The following NAA38 variants were observed in gnomAD, a reference collection of about 807,000 sequenced individuals.
NAA38 encodes the protein N-alpha-acetyltransferase 38, NatC auxiliary subunit.
NAA38 carries 15 observed loss-of-function variants against 12.6 expected under a neutral mutation model. That is an observed-to-expected ratio of 1.19 (90% CI 0.79 to 1.83). NAA38 has a LOEUF of 1.83. NAA38 is among the 40% of genes most tolerant of loss of function. The pLI, the probability that NAA38 is intolerant of heterozygous loss-of-function variation, is 0.00. For missense variants in NAA38, 183 were observed against 171.7 expected (o/e 1.07, Z -0.37); for synonymous variants, 88 against 69.9 (o/e 1.26, Z -1.29).
chr17:7,867,344 T>C (rs2151389397), intron 2 of NAA38, among the ~76,000 whole-genome samples: 1 of 152,244 alleles, frequency 6.6e-6, no homozygotes, highest in East Asian at 1.9e-4. Context: ...TTTTATGTTT[T>C]GTTTTGTTTT....
chr17:7,864,115 G>C (rs1487018269), intron 3 of NAA38: 1 of 152,216 alleles, frequency 6.6e-6, no homozygotes, highest in Non-Finnish European at 1.5e-5. Context: ...TGGATGGGCT[G>C]CTGTTGGGAG....
intron 1 of NAA38, among the ~76,000 whole-genome samples, chr17:7,884,311 G>C (rs189487777): frequency 4.0e-5 from 6 of 148,842 alleles, no homozygotes; most frequent in South Asian, 2.1e-4. Flanking sequence ...GGTGCTGGAG[G>C]GGGGGTTGTT....
chr17:7,863,812 A>T (rs1417034966), intron 3 of NAA38: 1 of 152,198 alleles, frequency 6.6e-6, no homozygotes, highest in Non-Finnish European at 1.5e-5. Context: ...AAAGTAAAAT[A>T]TCAAAAGTTA....
intron 2 of NAA38, among the ~76,000 whole-genome samples, chr17:7,872,337 T>C (rs1247209550): frequency 2.6e-5 from 4 of 152,168 alleles, no homozygotes. Flanking sequence ...TAAAAAATTT[T>C]TTGGTCTTGC....
chr17:7,867,295 C>T (rs1453568922), intron 2 of NAA38, among the ~76,000 whole-genome samples: 1 of 150,664 alleles, frequency 6.6e-6, no homozygotes, highest in Non-Finnish European at 1.5e-5. Flanking sequence ...AATTCACATA[C>T]CATAATATTC....
chr17:7,859,358 G>A, upstream of NAA38: 1 of 1,592,536 alleles, frequency 6.3e-7, no homozygotes, highest in Non-Finnish European at 8.6e-7. Flanking sequence ...AATTCTGGGG[G>A]TGGGGTGCTT....
At chr17:7,859,322 C>T (rs1486193073), upstream of NAA38, 5 of 1,370,340 alleles carry the variant, frequency 3.6e-6, no homozygotes, top group Admixed American at 7.4e-5. Context: ...TTGATCCCAG[C>T]GTGTGTATAT....
At chr17:7,869,138 C>T (rs567772420) in intron 2 of NAA38, among the ~76,000 whole-genome samples, 20 of 152,328 alleles carry the variant, frequency 1.3e-4, no homozygotes, top group African/African-American at 4.1e-4. Context: ...TACCAATTAT[C>T]GAGTACCTTA....
chr17:7,869,747 A>G (rs1967053089), intron 2 of NAA38, among the ~76,000 whole-genome samples: 1 of 152,162 alleles, frequency 6.6e-6, no homozygotes, highest in East Asian at 1.9e-4. Context: ...CGGGTGACAG[A>G]GCAAGACTCC....
chr17:7,885,025 CCCGCCGCCGCCG>C (rs759738955), intron 1 of NAA38: 70 of 1,161,208 alleles, frequency 6.0e-5, no homozygotes, highest in Admixed American at 1.8e-4. Flanking sequence ...GCCACCTCTT[CCCGCCGCCGCCG>C]CCGCCGCCGC....
rs565203635 is a variant in NAA38 at position 7,857,070 on chromosome 17, A to G, written c.210T>C (p.Thr70=). The G allele has an allele frequency of 6.2e-7, 1 of 1,613,502 alleles. No homozygotes were observed. Among genetic ancestry groups the G allele is most frequent in the East Asian group, 2.2e-5 (1 of 44,868 alleles). The part of the protein sequence containing the change: ...GRTLVGCFLC[T]DRDCNVILGS... ...CCAGGATGACATTGCAGTCACGGTC[A>G]GTGCAGAGGAAGCAGCCGACCAGTG... Residue 70 remains threonine (T), a synonymous_variant, in exon 2 of 3, where the codon ACT becomes ACC. Transcript: ENST00000575771.
intron 1 of NAA38, among the ~76,000 whole-genome samples, chr17:7,884,245 AT>A (rs1967407785): frequency 6.7e-6 from 1 of 148,938 alleles, no homozygotes; most frequent in Admixed American, 6.7e-5. Flanking sequence ...TAAGCCAGCC[AT>A]TTTGTTTGAA....
At chr17:7,861,050 C>T, upstream of NAA38, 1 of 152,102 alleles carries the variant, frequency 6.6e-6, no homozygotes. Context: ...CTAACTAAGT[C>T]AGAAAACTCT....
chr17:7,857,490 T>A lies in NAA38; in HGVS notation c.-27A>T. 1 of 1,504,240 alleles carries A rather than the reference T, an allele frequency of 6.6e-7. No homozygotes were observed. Among genetic ancestry groups the A allele is most frequent in the South Asian group, 1.4e-5 (1 of 73,322 alleles). 93.2% of individuals were successfully genotyped at this position (1,504,240 alleles called of 1,614,324 possible). A position where few individuals can be genotyped will look rare whatever the true frequency, so the allele number is the denominator to read the frequency against. Reference sequence around the variant, plus strand: ...TGCCCGGAGGCCTCCTCTGGGCCTTTCAACTTCCTAAGCACCTTTCAGGTT... The same window carrying A: ...TGCCCGGAGGCCTCCTCTGGGCCTTACAACTTCCTAAGCACCTTTCAGGTT... On this transcript the variant is annotated 5_prime_UTR_variant, in exon 1 of 3. Coordinates refer to ENST00000575771, the MANE Select transcript of NAA38 (RefSeq NM_001320925.4).
At chr17:7,858,856 G>A, upstream of NAA38, 1 of 1,493,674 alleles carries the variant, frequency 6.7e-7, no homozygotes, top group South Asian at 1.4e-5. Flanking sequence ...CAGGTTAGAA[G>A]GAATGGGGAA....
chr17:7,873,431 C>T (rs1967120859), intron 2 of NAA38, among the ~76,000 whole-genome samples: 1 of 152,050 alleles, frequency 6.6e-6, no homozygotes, highest in Non-Finnish European at 1.5e-5. Context: ...GTGGTGGGGG[C>T]AGAGGGCTGG....
At chr17:7,874,507 G>A (rs1234586047) in intron 2 of NAA38, among the ~76,000 whole-genome samples, 2 of 152,098 alleles carry the variant, frequency 1.3e-5, no homozygotes, top group Non-Finnish European at 2.9e-5. Context: ...GGAAGAGAAG[G>A]TAAGGAGCAC....
At chr17:7,858,812 G>A (rs750164225), upstream of NAA38, 3 of 1,550,504 alleles carry the variant, frequency 1.9e-6, no homozygotes, top group South Asian at 1.2e-5. Context: ...CGTCGCAGGA[G>A]CACACACTGG....
At chr17:7,883,795 A>G (rs959499251) in intron 1 of NAA38, among the ~76,000 whole-genome samples, 7 of 152,174 alleles carry the variant, frequency 4.6e-5, no homozygotes, top group Admixed American at 4.6e-4. Flanking sequence ...TGAAGGGGAA[A>G]AAAACCTTCA....
Sources: gnomAD v4.1 joint callset for allele counts (sites outside exome capture counted in the v4.1 genomes callset) on GRCh38, gnomAD v4.1.1 for gene constraint, MANE v1.5 for transcripts, NCBI Gene and HGNC (gene_info 2026-07-23, HGNC 2026-07-21) for gene names.